Variants in DPYD observed in about 807,000 individuals in gnomAD.
DPYD encodes dihydropyrimidine dehydrogenase.
Under a neutral mutation model 116.2 loss-of-function variants are expected in DPYD, and 109 were observed. The observed-to-expected ratio is 0.94, with a 90% CI of 0.80 to 1.10. The LOEUF (loss-of-function observed/expected upper bound fraction) is 1.10. DPYD is among the 50% of genes least tolerant of loss of function. DPYD has a pLI of 0.00. For synonymous variants in DPYD, 440 were observed against 432.0 expected, an observed-to-expected ratio of 1.02 and a Z score of -0.23; for missense variants, 1,302 against 1,254.5, an observed-to-expected ratio of 1.04 and a Z score of -0.57.
At chr1:97,776,494 C>T (rs1362345277) in intron 3 of DPYD, among the ~76,000 whole-genome samples, 1 of 152,142 alleles carries the variant, frequency 6.6e-6, no homozygotes, top group African/African-American at 2.4e-5. Context: ...ATACAACCTG[C>T]AAGTCTTTAT....
chr1:97,223,388 A>AAC (rs67855545), intron 19 of DPYD, among the ~76,000 whole-genome samples: 14,621 of 148,294 alleles, frequency 0.099, 885 homozygotes, highest in East Asian at 0.2. Flanking sequence ...GATAGAATTA[A>AAC]ACACACACAC....
At chr1:97,173,247 T>A (rs546104123) in intron 20 of DPYD, among the ~76,000 whole-genome samples, 2 of 123,744 alleles carry the variant, frequency 1.6e-5, no homozygotes, top group Non-Finnish European at 3.5e-5. Flanking sequence ...CACATATATG[T>A]ACATATATGC....
intron 1 of DPYD, among the ~76,000 whole-genome samples, chr1:97,901,146 A>G (rs1673349611): frequency 6.6e-6 from 1 of 151,802 alleles, no homozygotes; most frequent in East Asian, 1.9e-4. Context: ...AGATGAGAAA[A>G]CTAAATCACA....
chr1:97,114,084 C>T (rs939946553), intron 20 of DPYD, among the ~76,000 whole-genome samples: 4 of 152,110 alleles, frequency 2.6e-5, no homozygotes, highest in African/African-American at 9.7e-5. Flanking sequence ...TGAAAGTCCA[C>T]ATTTTGGATT....
intron 2 of DPYD, among the ~76,000 whole-genome samples, chr1:97,867,799 C>T (rs1035191309): frequency 1.3e-5 from 2 of 151,828 alleles, no homozygotes; most frequent in Admixed American, 1.3e-4. Flanking sequence ...AGCTTTTCCT[C>T]TAAGATCAGG....
chr1:97,823,425 C>A (rs960353247), intron 3 of DPYD, among the ~76,000 whole-genome samples: 1 of 152,126 alleles, frequency 6.6e-6, no homozygotes, highest in Admixed American at 6.6e-5. Context: ...TTAAAGTATA[C>A]AATATATTAC....
chr1:97,230,141 A>G (rs566410615), intron 19 of DPYD, among the ~76,000 whole-genome samples: 1 of 152,316 alleles, frequency 6.6e-6, no homozygotes, highest in East Asian at 1.9e-4. Flanking sequence ...TGAGCTGTAC[A>G]CAAAGGAATA....
intron 14 of DPYD, among the ~76,000 whole-genome samples, chr1:97,431,518 GGCA>G (rs1405343328): frequency 1.3e-5 from 2 of 151,918 alleles, no homozygotes; most frequent in Non-Finnish European, 2.9e-5. Flanking sequence ...TGGACACTGT[GGCA>G]TATTTTTTCT....
At chr1:97,821,732 T>C (rs1668950421) in intron 3 of DPYD, among the ~76,000 whole-genome samples, 1 of 152,218 alleles carries the variant, frequency 6.6e-6, no homozygotes, top group Non-Finnish European at 1.5e-5. Flanking sequence ...TGCAGTGAAC[T>C]TCTCCATTGA....
intron 16 of DPYD, among the ~76,000 whole-genome samples, chr1:97,314,492 T>G (rs530405438): frequency 0.013 from 872 of 66,794 alleles, 10 homozygotes; most frequent in African/African-American, 0.044. Flanking sequence ...AAAGCTTTCT[T>G]TTTTTTTTTT....
chr1:97,411,099 C>T (rs556993521), intron 14 of DPYD, among the ~76,000 whole-genome samples: 7 of 152,266 alleles, frequency 4.6e-5, no homozygotes, highest in Middle Eastern at 3.4e-3. Context: ...ATTCTGATCA[C>T]GCAGCTGGAT....
At chr1:97,432,243 C>T (rs1346440396) in intron 14 of DPYD, among the ~76,000 whole-genome samples, 6 of 152,016 alleles carry the variant, frequency 3.9e-5, no homozygotes, top group African/African-American at 7.2e-5. Flanking sequence ...CTGGGTCATA[C>T]GGTAGTTCTA....
At chr1:97,403,952 C>G (rs1673510914) in intron 14 of DPYD, among the ~76,000 whole-genome samples, 2 of 151,870 alleles carry the variant, frequency 1.3e-5, no homozygotes, top group African/African-American at 4.8e-5. Flanking sequence ...CCTTTAAGTA[C>G]TACTTTTGTA....
chr1:97,880,727 A>T (rs539698180), intron 2 of DPYD, among the ~76,000 whole-genome samples: 4 of 151,950 alleles, frequency 2.6e-5, no homozygotes, highest in Non-Finnish European at 5.9e-5. Flanking sequence ...TTAATATTTC[A>T]TTTTTTTGTT....
chr1:97,371,059 T>C (rs1671287408), intron 16 of DPYD, among the ~76,000 whole-genome samples: 1 of 152,258 alleles, frequency 6.6e-6, no homozygotes, highest in East Asian at 1.9e-4. Flanking sequence ...TATAGATGTG[T>C]ATATATAAGC....
chr1:97,365,860 C>G (rs1431443155), intron 16 of DPYD, among the ~76,000 whole-genome samples: 1 of 152,126 alleles, frequency 6.6e-6, no homozygotes, highest in Non-Finnish European at 1.5e-5. Flanking sequence ...TCTCAAACTC[C>G]TTAGCTCAAG....
chr1:97,415,420 A>T (rs554737713), intron 14 of DPYD, among the ~76,000 whole-genome samples: 1 of 152,026 alleles, frequency 6.6e-6, no homozygotes, highest in African/African-American at 2.4e-5. Context: ...CTCCGCCACC[A>T]GGGCTCAAGC....
intron 16 of DPYD, among the ~76,000 whole-genome samples, chr1:97,338,520 G>T (rs1032390452): frequency 6.6e-6 from 1 of 152,160 alleles, no homozygotes; most frequent in Non-Finnish European, 1.5e-5. Context: ...AGAAGAGCAC[G>T]TCTGCCAAGG....
Position 97,078,830 on chromosome 1 carries a change from C to G in DPYD, c.*146G>C, listed in dbSNP as rs1648958678. 1 of 953,732 alleles carries G rather than the reference C, an allele frequency of 1.0e-6. No individual in the cohort carries two copies. Among genetic ancestry groups the G allele is most frequent in the South Asian group, 1.5e-5 (1 of 66,984 alleles). The allele number at this position is 953,732 out of a possible 1,614,324, so 59.1% of individuals were successfully genotyped here. A position where few individuals can be genotyped will look rare whatever the true frequency, so the allele number is the denominator to read the frequency against. On this transcript the variant is annotated 3_prime_UTR_variant, in exon 23 of 23. Transcript: ENST00000370192. ...TGACATGAGACATTTTTTACACTTA[C>G]AAATGTATTTTGAAATTACATATTT...
Sources: gnomAD v4.1 joint callset for allele counts (sites outside exome capture counted in the v4.1 genomes callset) on GRCh38, gnomAD v4.1.1 for gene constraint, MANE v1.5 for transcripts, NCBI Gene and HGNC (gene_info 2026-07-23, HGNC 2026-07-21) for gene names.